GPC5: variants seen among roughly 807,000 people sequenced by gnomAD.
The protein encoded by GPC5 is glypican-5.
Under a neutral mutation model 53.9 loss-of-function variants are expected in GPC5, and 47 were observed. That is an observed-to-expected ratio of 0.87 (90% CI 0.69 to 1.11). The LOEUF (loss-of-function observed/expected upper bound fraction) is 1.11, where lower values mean the gene tolerates loss of function less well. Among genes scored for constraint, GPC5 ranks in the 50% most tolerant of loss-of-function variants. The pLI is 0.00. For synonymous variants in GPC5, 286 were observed against 263.3 expected (o/e 1.09, Z -0.84); for missense variants, 748 against 713.1 (o/e 1.05, Z -0.56).
At chr13:92,603,344 G>C (rs1048789242) in intron 7 of GPC5, among the ~76,000 whole-genome samples, 1 of 152,050 alleles carries the variant, frequency 6.6e-6, no homozygotes, top group Non-Finnish European at 1.5e-5. Flanking sequence ...CTTCCCAGGA[G>C]CAACCTAGTC....
chr13:91,621,759 CATTATATATATATATATATATAT>C (rs757533298), intron 2 of GPC5, among the ~76,000 whole-genome samples: 2 of 107,402 alleles, frequency 1.9e-5, no homozygotes, highest in Admixed American at 8.6e-5. Context: ...AGGGACAGAA[CATTATATATATATATATATATAT>C]ATATATATAT....
rs113789282 is a variant in GPC5 at position 92,374,508 on chromosome 13, G to T, written c.1561+229519G>T. ...CCTCCTGGATAAAAAGTACACCATG[G>T]AATACTATGCAGCCATAAAAAATGA... On this transcript the variant is annotated intron_variant, in intron 7 of 7. Transcript: ENST00000377067. Among the ~76,000 whole-genome samples the T allele has an allele frequency of 3.0e-3, 456 of 152,072 alleles. 2 individuals carry two copies. Among genetic ancestry groups the T allele is most frequent in the African/African-American group, 0.01 (431 of 41,476 alleles).
chr13:92,267,881 A>T (rs536626745), intron 7 of GPC5, among the ~76,000 whole-genome samples: 181 of 152,170 alleles, frequency 1.2e-3, no homozygotes, highest in East Asian at 2.7e-3. Context: ...AGAATAAAAA[A>T]TTTTTAGCAG....
intron 7 of GPC5, among the ~76,000 whole-genome samples, chr13:92,738,942 G>A (rs533286329): frequency 6.6e-6 from 1 of 152,132 alleles, no homozygotes; most frequent in East Asian, 1.9e-4. Flanking sequence ...CTATCTTATT[G>A]TGACATCTGT....
intron 6 of GPC5, among the ~76,000 whole-genome samples, chr13:91,989,036 AC>A (rs1555302745): frequency 6.7e-6 from 1 of 149,734 alleles, no homozygotes; most frequent in Non-Finnish European, 1.5e-5. Flanking sequence ...ACAAAACACA[AC>A]AAAAAGCAAA....
intron 7 of GPC5, among the ~76,000 whole-genome samples, chr13:92,445,743 CT>C (rs1174875808): frequency 3.3e-5 from 5 of 151,898 alleles, no homozygotes; most frequent in Non-Finnish European, 5.9e-5. Context: ...GGTTCCAAGT[CT>C]TTGCTATCGT....
intron 2 of GPC5, among the ~76,000 whole-genome samples, chr13:91,648,208 A>T (rs1043969644): frequency 6.6e-6 from 1 of 152,168 alleles, no homozygotes; most frequent in African/African-American, 2.4e-5. Flanking sequence ...TTTATCAAAC[A>T]TTTATTACAA....
In GPC5 at chr13:91,674,377, T is replaced by TTATATA. The variant is rs576931863; in HGVS notation, c.326-18801_326-18796dup. 3.3e-3 allele frequency among the ~76,000 whole-genome samples: 487 copies of TTATATA among 147,456 alleles called. 7 individuals carry two copies. Among genetic ancestry groups the TTATATA allele is most frequent in the African/African-American group, 0.012 (467 of 39,556 alleles). ...AATATCCTGGTTTACCACTAACTCA[T>TTATATA]TATATATATATATACACACACACAT... is the stretch of plus-strand genomic sequence containing the variant. On this transcript the variant is annotated intron_variant, in intron 2 of 7. Transcript: ENST00000377067.
intron 2 of GPC5, among the ~76,000 whole-genome samples, chr13:91,657,540 C>T (rs948785233): frequency 2.0e-5 from 3 of 151,918 alleles, no homozygotes; most frequent in African/African-American, 7.3e-5. Context: ...ACAGTACACA[C>T]GACAGCCCTC....
intron 7 of GPC5, among the ~76,000 whole-genome samples, chr13:92,462,012 C>T (rs61973630): frequency 0.035 from 5,390 of 152,234 alleles, 128 homozygotes; most frequent in Middle Eastern, 0.11. Context: ...GATGCCAGTG[C>T]GGCTGAACCC....
chr13:92,282,545 T>A (rs2042923922), intron 7 of GPC5, among the ~76,000 whole-genome samples: 2 of 152,146 alleles, frequency 1.3e-5, no homozygotes, highest in Non-Finnish European at 2.9e-5. Context: ...TAACAGCGGA[T>A]CTTTTGGCAG....
chr13:91,980,844 G>A (rs1414757328), intron 6 of GPC5, among the ~76,000 whole-genome samples: 1 of 152,184 alleles, frequency 6.6e-6, no homozygotes, highest in African/African-American at 2.4e-5. Flanking sequence ...AAGTGGGAAC[G>A]TAGAGTGTGC....
intron 7 of GPC5, among the ~76,000 whole-genome samples, chr13:92,670,179 T>C (rs1886700304): frequency 1.3e-5 from 2 of 152,050 alleles, no homozygotes; most frequent in African/African-American, 4.8e-5. Context: ...GGAATGTAAA[T>C]GGCAGCATAC....
At chr13:91,674,937 T>C (rs796643690) in intron 2 of GPC5, among the ~76,000 whole-genome samples, 43 of 152,066 alleles carry the variant, frequency 2.8e-4, no homozygotes, top group African/African-American at 9.9e-4. Context: ...CTATTACTTT[T>C]TAATGCAGAA....
chr13:92,460,837 C>A (rs1878449295), intron 7 of GPC5, among the ~76,000 whole-genome samples: 1 of 152,072 alleles, frequency 6.6e-6, no homozygotes, highest in South Asian at 2.1e-4. Context: ...AGGTATATAA[C>A]CCTCAGGACC....
At chr13:92,013,261 T>G (rs2040678053) in intron 6 of GPC5, among the ~76,000 whole-genome samples, 1 of 152,196 alleles carries the variant, frequency 6.6e-6, no homozygotes, top group Admixed American at 6.5e-5. Context: ...GAATTTTATT[T>G]AGCAATGGAA....
chr13:91,548,658 A>G (rs1002806238), intron 2 of GPC5, among the ~76,000 whole-genome samples: 2 of 152,216 alleles, frequency 1.3e-5, no homozygotes, highest in Admixed American at 1.3e-4. Context: ...ACAATATTGA[A>G]GGAGAAGAAC....
chr13:92,245,476 T>G (rs541159033), intron 7 of GPC5, among the ~76,000 whole-genome samples: 64 of 152,320 alleles, frequency 4.2e-4, no homozygotes, highest in African/African-American at 1.1e-3. Flanking sequence ...ATATTCCTAA[T>G]AACTAGTGTG....
chr13:92,458,074 G>A (rs1878340398), intron 7 of GPC5, among the ~76,000 whole-genome samples: 1 of 152,064 alleles, frequency 6.6e-6, no homozygotes, highest in South Asian at 2.1e-4. Context: ...ATTACACTGA[G>A]GAACTCCAAC....
Sources: allele counts gnomAD v4.1 joint callset (sites outside exome capture counted in the v4.1 genomes callset), GRCh38; gene constraint gnomAD v4.1.1; transcripts MANE v1.5; gene names NCBI Gene and HGNC (gene_info 2026-07-23, HGNC 2026-07-21).